Variants in MAML3 observed in about 807,000 individuals in gnomAD.
The protein encoded by MAML3 is mastermind-like protein 3.
Under a neutral mutation model 101.9 loss-of-function variants are expected in MAML3, and 27 were observed. That is an observed-to-expected ratio of 0.27 (90% CI 0.20 to 0.37). The LOEUF is 0.37. Ranked by LOEUF, MAML3 falls within the 10% of genes least tolerant of loss-of-function variation. The probability of loss-of-function intolerance (pLI) is 1.00; values close to 1 mark genes in which losing one functional copy is unlikely to be tolerated. For missense variants in MAML3, 1,316 were observed against 1,444.9 expected, an observed-to-expected ratio of 0.91 and a Z score of 1.45; for synonymous variants, 501 against 555.9, an observed-to-expected ratio of 0.90 and a Z score of 1.39.
chr4:139,743,213 AC>A (rs1369696706), intron 2 of MAML3, among the ~76,000 whole-genome samples: 2 of 152,182 alleles, frequency 1.3e-5, no homozygotes, highest in East Asian at 3.8e-4. Flanking sequence ...AACCATTACC[AC>A]TTCTCTCCAA....
chr4:140,076,800 T>C (rs1295643323), intron 1 of MAML3, among the ~76,000 whole-genome samples: 1 of 152,226 alleles, frequency 6.6e-6, no homozygotes, highest in Non-Finnish European at 1.5e-5. Flanking sequence ...TGGTGCATGG[T>C]TCCAGACAGC....
At chr4:139,863,372 C>T (rs1344180834) in intron 2 of MAML3, among the ~76,000 whole-genome samples, 1 of 114,832 alleles carries the variant, frequency 8.7e-6, no homozygotes, top group East Asian at 3.3e-4. Flanking sequence ...CCTTTTGAGA[C>T]AGAGTTTTGC....
At chr4:139,837,512 C>G (rs1179061872) in intron 2 of MAML3, among the ~76,000 whole-genome samples, 1 of 151,658 alleles carries the variant, frequency 6.6e-6, no homozygotes, top group Non-Finnish European at 1.5e-5. Flanking sequence ...ACCAAACAAA[C>G]AAACACACAA....
intron 2 of MAML3, among the ~76,000 whole-genome samples, chr4:139,848,352 G>C (rs1731486724): frequency 6.6e-6 from 1 of 152,160 alleles, no homozygotes; most frequent in African/African-American, 2.4e-5. Context: ...ACATATTCCA[G>C]TCATTAACAA....
chr4:140,153,447 G>T lies in MAML3; in HGVS notation c.-120C>A. 8.3e-7 allele frequency: 1 copy of T among 1,198,680 alleles called. No individual in the cohort carries two copies. The highest frequency in any genetic ancestry group is 1.1e-6 in the Non-Finnish European group (1 of 921,444). 74.3% of individuals were successfully genotyped at this position (1,198,680 alleles called of 1,614,324 possible). A position where few individuals can be genotyped will look rare whatever the true frequency, so the allele number is the denominator to read the frequency against. ...GAACGCGGGGGAGACGCAAGCACATGGATGGAAACGGCGATCCCGACGGGG... is the reference window on the plus strand; with the variant it reads ...GAACGCGGGGGAGACGCAAGCACATTGATGGAAACGGCGATCCCGACGGGG... On this transcript the variant is annotated 5_prime_UTR_variant, in exon 1 of 5. Transcript: ENST00000509479.
intron 2 of MAML3, among the ~76,000 whole-genome samples, chr4:139,871,738 G>A (rs903760051): frequency 1.3e-5 from 2 of 151,978 alleles, no homozygotes; most frequent in Admixed American, 6.6e-5. Context: ...TTAACCCTTC[G>A]CAACCCAGTT....
At chr4:139,941,708 A>G (rs892291788) in intron 1 of MAML3, among the ~76,000 whole-genome samples, 32 of 152,178 alleles carry the variant, frequency 2.1e-4, no homozygotes, top group African/African-American at 6.8e-4. Context: ...GGGTTGATAC[A>G]TGCTAAACCT....
At chr4:140,143,727 C>G (rs947128152) in intron 1 of MAML3, among the ~76,000 whole-genome samples, 25 of 152,284 alleles carry the variant, frequency 1.6e-4, no homozygotes, top group African/African-American at 5.8e-4. Context: ...TACCACTGCA[C>G]TCTAGCCTGG....
chr4:140,071,001 G>T (rs2110953268), intron 1 of MAML3, among the ~76,000 whole-genome samples: 1 of 152,316 alleles, frequency 6.6e-6, no homozygotes, highest in South Asian at 2.1e-4. Flanking sequence ...TCCCACAGCA[G>T]ATAATAATGT....
Position 140,100,238 on chromosome 4 carries a change from C to T in MAML3, c.468+52622G>A, listed in dbSNP as rs114282415. Among the ~76,000 whole-genome samples, 1,465 of 152,252 alleles carry T rather than the reference C, an allele frequency of 9.6e-3. 9 individuals carry two copies. The highest frequency in any genetic ancestry group is 0.02 in the Middle Eastern group (6 of 294). Reference sequence around the variant, plus strand: ...TGCCACTTCCTCTCTGCAACGTTCCCGGATTTCCTCTGCTGACTCAAGCCT... The same window carrying T: ...TGCCACTTCCTCTCTGCAACGTTCCTGGATTTCCTCTGCTGACTCAAGCCT... On this transcript the variant is annotated intron_variant, in intron 1 of 4. Coordinates refer to ENST00000509479, the MANE Select transcript of MAML3 (RefSeq NM_018717.5).
intron 1 of MAML3, among the ~76,000 whole-genome samples, chr4:140,140,082 G>C (rs1300381106): frequency 6.6e-6 from 1 of 152,212 alleles, no homozygotes; most frequent in African/African-American, 2.4e-5. Context: ...CCAGCACTTT[G>C]GGAGGTCAAG....
chr4:139,931,189 G>A (rs1342624765), intron 1 of MAML3, among the ~76,000 whole-genome samples: 3 of 152,082 alleles, frequency 2.0e-5, no homozygotes, highest in African/African-American at 4.8e-5. Flanking sequence ...TCAAGACAGC[G>A]CCAGCAGAGC....
rs76393800 is a variant in MAML3, at chr4:139,939,609, C to T, written c.469-48642G>A. On this transcript the variant is annotated intron_variant, in intron 1 of 4. Coordinates refer to ENST00000509479, the MANE Select transcript of MAML3 (RefSeq NM_018717.5). ...CTTGTCTCCTGTCCTTCCATAGCAC[C>T]TTGTTAATATCTCCAATGATAGCTC... Among the ~76,000 whole-genome samples, 89 of 152,238 alleles carry T rather than the reference C, an allele frequency of 5.8e-4. No individual in the cohort carries two copies. The East Asian group carries it at 0.017, about 28-fold the overall frequency.
At chr4:139,978,926 CTA>C (rs1734395919) in intron 1 of MAML3, among the ~76,000 whole-genome samples, 1 of 30,942 alleles carries the variant, frequency 3.2e-5, no homozygotes, top group African/African-American at 6.8e-5. Flanking sequence ...TCAAAGAGCT[CTA>C]TGACTACTTT....
chr4:139,771,962 G>A (rs1467183746), intron 2 of MAML3, among the ~76,000 whole-genome samples: 2 of 144,438 alleles, frequency 1.4e-5, no homozygotes, highest in South Asian at 2.2e-4. Flanking sequence ...AAAAAAGTCC[G>A]GGCGCGGTGG....
At chr4:140,094,813 TG>T (rs1172936707) in intron 1 of MAML3, among the ~76,000 whole-genome samples, 1 of 152,264 alleles carries the variant, frequency 6.6e-6, no homozygotes, top group Non-Finnish European at 1.5e-5. Context: ...GTTTCTCAGC[TG>T]ATCAATAGCT....
chr4:140,087,266 A>G (rs967946444), intron 1 of MAML3, among the ~76,000 whole-genome samples: 1 of 152,256 alleles, frequency 6.6e-6, no homozygotes, highest in Non-Finnish European at 1.5e-5. Flanking sequence ...TAGTAATCAG[A>G]GGGTCCATGC....
intron 2 of MAML3, among the ~76,000 whole-genome samples, chr4:139,768,398 A>T (rs1032674590): frequency 8.5e-5 from 13 of 152,194 alleles, no homozygotes; most frequent in Non-Finnish European, 1.8e-4. Context: ...CTTAAATATC[A>T]GGTTCTTGTA....
intron 2 of MAML3, among the ~76,000 whole-genome samples, chr4:139,754,785 T>G (rs761351388): frequency 3.3e-5 from 5 of 152,212 alleles, no homozygotes; most frequent in Non-Finnish European, 5.9e-5. Flanking sequence ...CCAGTGCAAT[T>G]GTGATTCTTC....
Sources: gnomAD v4.1 joint callset for allele counts (sites outside exome capture counted in the v4.1 genomes callset) on GRCh38, gnomAD v4.1.1 for gene constraint, MANE v1.5 for transcripts, NCBI Gene and HGNC (gene_info 2026-07-23, HGNC 2026-07-21) for gene names.